Variants in CBLB observed in about 807,000 individuals in gnomAD.
CBLB encodes E3 ubiquitin-protein ligase CBL-B.
In CBLB, 31 loss-of-function variants were observed where a neutral mutation model predicts 104.9. The ratio of observed to expected loss-of-function variants is 0.30; its 90% CI spans 0.22 to 0.40. The LOEUF (loss-of-function observed/expected upper bound fraction) is 0.40. Ranked by LOEUF, CBLB falls within the 10% of genes least tolerant of loss-of-function variation. The probability of loss-of-function intolerance (pLI) is 1.00; values close to 1 mark genes in which losing one functional copy is unlikely to be tolerated. For synonymous variants in CBLB, 440 were observed against 422.6 expected (o/e 1.04, Z -0.51); for missense variants, 1,062 against 1,214.6 (o/e 0.87, Z 1.87).
chr3:105,759,848 G>C (rs2077447693), intron 4 of CBLB, among the ~76,000 whole-genome samples: 1 of 152,188 alleles, frequency 6.6e-6, no homozygotes, highest in African/African-American at 2.4e-5. Flanking sequence ...ACTCGGAAGA[G>C]GGTGGGGCTC....
At chr3:105,850,765 A>C (rs2090837677) in intron 3 of CBLB, among the ~76,000 whole-genome samples, 1 of 152,230 alleles carries the variant, frequency 6.6e-6, no homozygotes, top group Admixed American at 6.5e-5. Flanking sequence ...TTAAGTCAAA[A>C]TACACAGATG....
At chr3:105,720,008 G>A (rs1442555651) in intron 10 of CBLB, 39 bp downstream of exon 10, 2 of 1,445,612 alleles carry the variant, frequency 1.4e-6, no homozygotes. Flanking sequence ...TTTTCATATG[G>A]TCACATCACC....
intron 3 of CBLB, among the ~76,000 whole-genome samples, chr3:105,782,074 G>A (rs887657563): frequency 8.5e-5 from 13 of 152,248 alleles, no homozygotes; most frequent in African/African-American, 3.1e-4. Context: ...ATTCCTAAGT[G>A]AGGAGACTAG....
intron 18 of CBLB, among the ~76,000 whole-genome samples, chr3:105,665,981 G>A (rs564471957): frequency 4.0e-5 from 6 of 151,270 alleles, no homozygotes; most frequent in Admixed American, 6.6e-5. Context: ...AGCCAAGATC[G>A]TGCCACTGCA....
intron 3 of CBLB, among the ~76,000 whole-genome samples, chr3:105,819,035 TA>T (rs1463120024): frequency 2.6e-5 from 4 of 152,254 alleles, no homozygotes; most frequent in Non-Finnish European, 5.9e-5. Context: ...AGTTATACAA[TA>T]ACTCCATTCT....
chr3:105,753,629 G>A (rs2076785660), intron 4 of CBLB, among the ~76,000 whole-genome samples: 1 of 152,136 alleles, frequency 6.6e-6, no homozygotes, highest in African/African-American at 2.4e-5. Context: ...TTCGTATGAA[G>A]AAGTTAAAGC....
At chr3:105,785,386 A>G (rs1204941678) in intron 3 of CBLB, among the ~76,000 whole-genome samples, 2 of 152,060 alleles carry the variant, frequency 1.3e-5, no homozygotes, top group East Asian at 3.9e-4. Flanking sequence ...AAATATCTTT[A>G]CTCTGTGAGT....
intron 12 of CBLB, among the ~76,000 whole-genome samples, chr3:105,694,881 A>G (rs1193782613): frequency 6.6e-6 from 1 of 151,814 alleles, no homozygotes; most frequent in Non-Finnish European, 1.5e-5. Flanking sequence ...AAATAACAGA[A>G]CAAGGCAAAG....
upstream of CBLB, chr3:105,869,387 A>G (rs1220813394): frequency 3.7e-6 from 5 of 1,341,666 alleles, no homozygotes; most frequent in Admixed American, 9.0e-5. Flanking sequence ...AGCCAAAGCC[A>G]TCTGGGGCTG....
intron 10 of CBLB, among the ~76,000 whole-genome samples, chr3:105,705,860 C>T (rs1470292579): frequency 6.6e-6 from 1 of 152,196 alleles, no homozygotes; most frequent in African/African-American, 2.4e-5. Flanking sequence ...CTGAGGCCAG[C>T]CCTGGTGGCT....
intron 8 of CBLB, among the ~76,000 whole-genome samples, chr3:105,735,335 A>G (rs528823897): frequency 1.1e-4 from 16 of 152,298 alleles, no homozygotes; most frequent in African/African-American, 3.6e-4. Flanking sequence ...AAATAAAACT[A>G]AAGTAATTCA....
chr3:105,863,406 G>A (rs998928659), intron 2 of CBLB, among the ~76,000 whole-genome samples: 2 of 152,156 alleles, frequency 1.3e-5, no homozygotes, highest in Non-Finnish European at 2.9e-5. Flanking sequence ...GTGAGGAAAA[G>A]GAAATACGTC....
chr3:105,852,793 C>T (rs2091121202), intron 3 of CBLB, among the ~76,000 whole-genome samples: 1 of 151,996 alleles, frequency 6.6e-6, no homozygotes, highest in African/African-American at 2.4e-5. Flanking sequence ...TCTCAGCTCA[C>T]CACAACCTCC....
At position 105,751,615 on chromosome 3, in the gene CBLB, A is replaced by G. The variant is rs2076600571; in HGVS notation, c.570T>C (p.Thr190=). 3 of 1,612,994 alleles carry G rather than the reference A, an allele frequency of 1.9e-6. No individual in the cohort carries two copies. ...EFWRKFFGDK[T]IVPWKVFRQC... is the part of the protein sequence containing the mutation. ...GTCTGAATACTTTCCATGGTACGATAGTTCTGTGCAAGGTGGAAAAAAAGG... is the reference window on the plus strand; with the variant it reads ...GTCTGAATACTTTCCATGGTACGATGGTTCTGTGCAAGGTGGAAAAAAAGG... Residue 190 remains threonine, a synonymous_variant, in exon 5 of 19, where the codon ACT becomes ACC. Coordinates refer to ENST00000394030, the MANE Select transcript of CBLB (RefSeq NM_170662.5).
At chr3:105,816,301 T>C (rs944664860) in intron 3 of CBLB, among the ~76,000 whole-genome samples, 1 of 152,196 alleles carries the variant, frequency 6.6e-6, no homozygotes, top group Non-Finnish European at 1.5e-5. Context: ...ACTGCCCTTA[T>C]TAATTTTAAA....
chr3:105,730,075 C>G (rs571528830), intron 9 of CBLB, among the ~76,000 whole-genome samples: 1 of 151,902 alleles, frequency 6.6e-6, no homozygotes, highest in East Asian at 1.9e-4. Flanking sequence ...GAATTATTGA[C>G]CTAAGAATAA....
At chr3:105,754,523 C>CAGAGAGAGAGAGAG (rs1207514486) in intron 4 of CBLB, among the ~76,000 whole-genome samples, 1 of 102,758 alleles carries the variant, frequency 9.7e-6, no homozygotes, top group African/African-American at 3.8e-5. Flanking sequence ...GAGAGAGAGA[C>CAGAGAGAGAGAGAG]AGAGAGAGAG....
At chr3:105,722,350 TCTCAGATACA>T (rs2073007838) in intron 9 of CBLB, among the ~76,000 whole-genome samples, 1 of 151,862 alleles carries the variant, frequency 6.6e-6, no homozygotes, top group East Asian at 1.9e-4. Context: ...TTATAGAAAA[TCTCAGATACA>T]CATAAAATTT....
intron 3 of CBLB, among the ~76,000 whole-genome samples, chr3:105,811,021 T>C (rs1560349704): frequency 6.6e-6 from 1 of 152,170 alleles, no homozygotes; most frequent in Non-Finnish European, 1.5e-5. Context: ...CATTAGATAC[T>C]AGAAGAAAAG....
Sources: allele counts gnomAD v4.1 joint callset (sites outside exome capture counted in the v4.1 genomes callset), GRCh38; gene constraint gnomAD v4.1.1; transcripts MANE v1.5; gene names NCBI Gene and HGNC (gene_info 2026-07-23, HGNC 2026-07-21).